The following PACRG variants were observed in gnomAD, a reference collection of about 807,000 sequenced individuals.
The protein encoded by PACRG is parkin coregulated.
In PACRG, 29 loss-of-function variants were observed where a neutral mutation model predicts 29.7. That is an observed-to-expected ratio of 0.98 (90% CI 0.73 to 1.33). The LOEUF is 1.33. PACRG is among the 40% of genes most tolerant of loss of function. PACRG has a pLI of 0.00. For missense variants in PACRG, 279 were observed against 316.2 expected (o/e 0.88, Z 0.89); for synonymous variants, 116 against 118.7 (o/e 0.98, Z 0.15).
intron 1 of PACRG, among the ~76,000 whole-genome samples, chr6:162,786,057 G>A (rs1784445132): frequency 6.6e-6 from 1 of 152,210 alleles, no homozygotes; most frequent in Non-Finnish European, 1.5e-5. Flanking sequence ...TTCCTAAAGG[G>A]AAGTGTTTGT....
At chr6:163,236,081 G>T (rs1334233104) in intron 4 of PACRG, among the ~76,000 whole-genome samples, 1 of 151,834 alleles carries the variant, frequency 6.6e-6, no homozygotes, top group Non-Finnish European at 1.5e-5. Flanking sequence ...CCTATGTCAG[G>T]GCAGCAATGG....
intron 4 of PACRG, among the ~76,000 whole-genome samples, chr6:163,312,004 G>C (rs1439286454): frequency 6.6e-6 from 1 of 152,110 alleles, no homozygotes; most frequent in Non-Finnish European, 1.5e-5. Flanking sequence ...CCGACAAAAG[G>C]CACCATTTAT....
intron 2 of PACRG, among the ~76,000 whole-genome samples, chr6:162,827,412 C>G (rs754896254): frequency 6.6e-6 from 1 of 152,036 alleles, no homozygotes. Flanking sequence ...TGTACTATTG[C>G]AGAAATGGAA....
In PACRG at chr6:163,315,114, A is replaced by C; in HGVS notation, c.*127A>C. Reference sequence around the variant, plus strand: ...TCTACAGCTGCTAAAATAGTGGCTTATGGGCCATTGGACTGTTAGCCCTAT... The same window carrying C: ...TCTACAGCTGCTAAAATAGTGGCTTCTGGGCCATTGGACTGTTAGCCCTAT... On this transcript the variant is annotated 3_prime_UTR_variant, in exon 5 of 5. Coordinates refer to ENST00000366888, the MANE Select transcript of PACRG (RefSeq NM_001080379.2). The C allele has an allele frequency of 8.9e-6, 10 of 1,127,552 alleles. No homozygotes were observed. The highest frequency in any genetic ancestry group is 1.3e-5 in the Non-Finnish European group (10 of 794,870). The allele number at this position is 1,127,552 out of a possible 1,614,324, so 69.8% of individuals were successfully genotyped here.
intron 1 of PACRG, among the ~76,000 whole-genome samples, chr6:162,748,620 T>C (rs568874733): frequency 2.0e-4 from 30 of 152,322 alleles, no homozygotes; most frequent in African/African-American, 7.2e-4. Context: ...TTTTCTAAAG[T>C]ATCAATGAGA....
intron 1 of PACRG, among the ~76,000 whole-genome samples, chr6:162,755,452 T>C (rs1781837444): frequency 6.6e-6 from 1 of 152,146 alleles, no homozygotes; most frequent in Admixed American, 6.5e-5. Flanking sequence ...CTTCTATTTT[T>C]TGAGACAGAG....
At chr6:163,089,513 A>T in intron 4 of PACRG, 105 bp downstream of exon 4, 1 of 1,345,930 alleles carries the variant, frequency 7.4e-7, no homozygotes, top group Non-Finnish European at 1.0e-6. Flanking sequence ...TTGCATATAA[A>T]CCATGATCCA....
Position 162,992,813 on chromosome 6 carries a change from GTTC to G in PACRG, c.292-69334_292-69332del, listed in dbSNP as rs879882954. ...GAATGTGTTTGCTCTTGCTTTTCTA[GTTC>G]TTTTAATTGTGATGTTAGGGTGTCA... On this transcript the variant is annotated intron_variant, in intron 2 of 4. Transcript: ENST00000366888. 5.7e-3 allele frequency among the ~76,000 whole-genome samples: 797 copies of G among 138,946 alleles called. 6 individuals are homozygous for G. Among genetic ancestry groups the G allele is most frequent in the Non-Finnish European group, 8.7e-3 (559 of 64,234 alleles). 91.2% of individuals were successfully genotyped at this position (138,946 alleles called of 152,430 possible). A position where few individuals can be genotyped will look rare whatever the true frequency, so the allele number is the denominator to read the frequency against.
chr6:163,057,074 A>G (rs1221130758), intron 2 of PACRG, among the ~76,000 whole-genome samples: 2 of 152,194 alleles, frequency 1.3e-5, no homozygotes, highest in South Asian at 2.1e-4. Flanking sequence ...GCACTCAAGG[A>G]TTACAGTCAA....
intron 4 of PACRG, among the ~76,000 whole-genome samples, chr6:163,308,103 T>C (rs1008839465): frequency 1.3e-5 from 2 of 152,198 alleles, no homozygotes; most frequent in Non-Finnish European, 2.9e-5. Flanking sequence ...TCTTAAAAGA[T>C]AAAATATACC....
chr6:163,194,838 G>A (rs1343879799), intron 4 of PACRG, among the ~76,000 whole-genome samples: 1 of 151,992 alleles, frequency 6.6e-6, no homozygotes, highest in Non-Finnish European at 1.5e-5. Context: ...CCCCACGCCT[G>A]CTGTTCTTCC....
chr6:162,992,627 CTCTT>C (rs1456474484), intron 2 of PACRG, among the ~76,000 whole-genome samples: 3 of 114,742 alleles, frequency 2.6e-5, no homozygotes, highest in African/African-American at 1.0e-4. Flanking sequence ...TGATTCTTCT[CTCTT>C]TTTTTCTTTA....
At chr6:163,122,829 A>G (rs1433696723) in intron 4 of PACRG, among the ~76,000 whole-genome samples, 1 of 152,198 alleles carries the variant, frequency 6.6e-6, no homozygotes, top group African/African-American at 2.4e-5. Flanking sequence ...CATTTATGTT[A>G]CCATCACCAC....
chr6:163,142,854 A>G (rs1777606241), intron 4 of PACRG, among the ~76,000 whole-genome samples: 1 of 152,126 alleles, frequency 6.6e-6, no homozygotes, highest in African/African-American at 2.4e-5. Flanking sequence ...GACAAACCCA[A>G]CTGAAGAAAT....
chr6:162,901,392 A>T, intron 2 of PACRG, among the ~76,000 whole-genome samples: 1 of 152,332 alleles, frequency 6.6e-6, no homozygotes, highest in East Asian at 1.9e-4. Context: ...TGCTTGTAAT[A>T]AGTGGCTTTT....
intron 4 of PACRG, among the ~76,000 whole-genome samples, chr6:163,214,885 A>G (rs890794292): frequency 1.3e-5 from 2 of 152,200 alleles, no homozygotes; most frequent in African/African-American, 4.8e-5. Context: ...GCATTTTATC[A>G]TTAAGCTTCA....
chr6:162,760,311 A>G (rs998688577), intron 1 of PACRG, among the ~76,000 whole-genome samples: 4 of 152,362 alleles, frequency 2.6e-5, no homozygotes, highest in Admixed American at 1.3e-4. Flanking sequence ...CAGCACTTTC[A>G]TCACATCACA....
At position 163,062,231 on chromosome 6, in the gene PACRG, T is replaced by G. The variant is rs1562878680; in HGVS notation, c.373T>G (p.Phe125Val). ...TTGTGAAATGACATTTCCCTATGAGTTTTTTGCTCGGCAAGGAATCCACGA... is the reference window on the plus strand; with the variant it reads ...TTGTGAAATGACATTTCCCTATGAGGTTTTTGCTCGGCAAGGAATCCACGA... Reference protein sequence around the residue: ...GLCEMTFPYEFFARQGIHDML... With the variant: ...GLCEMTFPYEVFARQGIHDML... The change falls in exon 3 of 5, where the codon TTT (phenylalanine) becomes GTT (valine). Residue 125 changes from phenylalanine to valine, a missense_variant. Physicochemically the swap from Phe to Val is conservative, Grantham distance 50. Transcript: ENST00000366888. 2 of 1,614,088 alleles carry G rather than the reference T, an allele frequency of 1.2e-6. No individual in the cohort carries two copies. Among genetic ancestry groups the G allele is most frequent in the East Asian group, 2.2e-5 (1 of 44,876 alleles).
At chr6:162,895,097 A>C (rs1584688223) in intron 2 of PACRG, among the ~76,000 whole-genome samples, 1 of 143,422 alleles carries the variant, frequency 7.0e-6, no homozygotes, top group South Asian at 2.4e-4. Context: ...CCCCGTCTCT[A>C]CCCCCCCGCC....
Sources: allele counts gnomAD v4.1 joint callset (sites outside exome capture counted in the v4.1 genomes callset), GRCh38; gene constraint gnomAD v4.1.1; transcripts MANE v1.5; gene names NCBI Gene and HGNC (gene_info 2026-07-23, HGNC 2026-07-21).